Variants in ZFHX3 observed in about 807,000 individuals in gnomAD.
ZFHX3 encodes zinc finger homeobox protein 3.
In ZFHX3, 42 loss-of-function variants were observed where a neutral mutation model predicts 279.1. That is an observed-to-expected ratio of 0.15 (90% CI 0.12 to 0.19). ZFHX3 has a LOEUF of 0.19. Among genes scored for constraint, ZFHX3 ranks in the 10% least tolerant of loss-of-function variants. The pLI is 1.00. For missense variants in ZFHX3, 4,981 were observed against 4,754.0 expected (o/e 1.05, Z -1.40); for synonymous variants, 2,293 against 1,957.8 (o/e 1.17, Z -4.52).
At chr16:73,299,841 G>A (rs1433489806) in intron 4 of ZFHX3, among the ~76,000 whole-genome samples, 4 of 152,170 alleles carry the variant, frequency 2.6e-5, no homozygotes, top group African/African-American at 4.8e-5. Context: ...CACTGGCCCA[G>A]CAAAGCAGAC....
intron 1 of ZFHX3, among the ~76,000 whole-genome samples, chr16:73,755,499 C>T (rs939742734): frequency 6.6e-5 from 10 of 152,178 alleles, no homozygotes; most frequent in Non-Finnish European, 1.5e-5. Flanking sequence ...GCTACATCTT[C>T]CTTTTTAAAA....
chr16:73,837,330 T>C (rs570828736), intron 1 of ZFHX3, among the ~76,000 whole-genome samples: 1 of 152,336 alleles, frequency 6.6e-6, no homozygotes, highest in South Asian at 2.1e-4. Context: ...TTCAAAACTA[T>C]ATAGTTTCAT....
intron 1 of ZFHX3, among the ~76,000 whole-genome samples, chr16:73,001,291 T>G (rs1199374148): frequency 1.3e-5 from 2 of 152,194 alleles, no homozygotes; most frequent in South Asian, 2.1e-4. Flanking sequence ...AACAACCGTG[T>G]GTGTGAGCAC....
At chr16:73,002,223 C>T (rs1288927242) in intron 1 of ZFHX3, among the ~76,000 whole-genome samples, 1 of 152,192 alleles carries the variant, frequency 6.6e-6, no homozygotes. Context: ...GAAACTTCTA[C>T]TCAAACATGC....
intron 5 of ZFHX3, among the ~76,000 whole-genome samples, chr16:73,160,781 T>TG (rs1967214124): frequency 6.7e-6 from 1 of 150,340 alleles, no homozygotes; most frequent in African/African-American, 2.5e-5. Flanking sequence ...TCTTTTTTTT[T>TG]TTTTTTTTTT....
chr16:73,133,248 G>A (rs577552968), intron 6 of ZFHX3, among the ~76,000 whole-genome samples: 1 of 152,244 alleles, frequency 6.6e-6, no homozygotes, highest in Non-Finnish European at 1.5e-5. Flanking sequence ...GGGGCTGGGC[G>A]TGGTGGCTTA....
chr16:72,903,125 G>A (rs2039081084), intron 3 of ZFHX3, among the ~76,000 whole-genome samples: 1 of 152,114 alleles, frequency 6.6e-6, no homozygotes, highest in Non-Finnish European at 1.5e-5. Context: ...CTCAGAGGCC[G>A]CTGTGCATTT....
intron 6 of ZFHX3, among the ~76,000 whole-genome samples, chr16:73,142,724 A>C (rs879662635): frequency 2.6e-5 from 4 of 152,264 alleles, no homozygotes; most frequent in African/African-American, 4.8e-5. Flanking sequence ...ATAAAATGAT[A>C]AAGTTAACAG....
chr16:72,791,231 T>C (rs1029883920), intron 9 of ZFHX3: 1 of 152,210 alleles, frequency 6.6e-6, no homozygotes, highest in Non-Finnish European at 1.5e-5. Flanking sequence ...ACCACATTGA[T>C]AGAAAAAGCT....
At chr16:73,544,419 T>C (rs2020075565) in intron 2 of ZFHX3, among the ~76,000 whole-genome samples, 1 of 152,154 alleles carries the variant, frequency 6.6e-6, no homozygotes, top group Non-Finnish European at 1.5e-5. Flanking sequence ...GGGTCCGGAA[T>C]TCAGGAGGTC....
chr16:73,698,167 G>A (rs747009714), intron 1 of ZFHX3, among the ~76,000 whole-genome samples: 25 of 151,814 alleles, frequency 1.6e-4, no homozygotes, highest in Non-Finnish European at 2.5e-4. Context: ...CCCAATGGCC[G>A]AAACTGGAAC....
At chr16:73,498,203 G>A (rs1267253798) in intron 2 of ZFHX3, among the ~76,000 whole-genome samples, 1 of 152,198 alleles carries the variant, frequency 6.6e-6, no homozygotes, top group Non-Finnish European at 1.5e-5. Flanking sequence ...AAATTTTGAA[G>A]ACCATAGATG....
Position 72,958,477 on chromosome 16 carries a change from A to G in ZFHX3, c.1669T>C (p.Ser557Pro). Reference protein sequence around the residue: ...TASTSSNSASSFVVFDGANRR... With the variant: ...TASTSSNSASPFVVFDGANRR... ...TTCGCACCATCAAAGACAACAAAGG[A>G]AGAAGCAGAATTAGAACTAGTAGAA... The change falls in exon 2 of 10, where the codon TCC becomes CCC. Residue 557 changes from serine (S) to proline (P), a missense_variant. This residue lies in a region of ZFHX3 where 1,068 missense variants were observed against 935.2 expected (regional missense o/e 1.14). Coordinates refer to ENST00000268489, the MANE Select transcript of ZFHX3 (RefSeq NM_006885.4). 6.2e-7 allele frequency: 1 copy of G among 1,614,162 alleles called. No homozygotes were observed. The highest frequency in any genetic ancestry group is 8.5e-7 in the Non-Finnish European group (1 of 1,180,042).
intron 3 of ZFHX3, among the ~76,000 whole-genome samples, chr16:73,329,933 AG>A (rs1365682159): frequency 4.6e-5 from 7 of 152,226 alleles, no homozygotes; most frequent in African/African-American, 1.7e-4. Flanking sequence ...AAACGTCCTC[AG>A]TGGGCTCTTC....
rs1555514493 is a variant in ZFHX3, at chr16:72,785,478, T to TAACA, written c.*1682_*1685dup. ...CCTCTCTGCTTGCAGAAGAAGCACA[T>TAACA]AACAACCTGGGAATCTTTTGTTTTT... On this transcript the variant is annotated 3_prime_UTR_variant, in exon 10 of 10. Transcript: ENST00000268489. 4 of 152,652 alleles carry TAACA rather than the reference T, an allele frequency of 2.6e-5. No individual in the cohort carries two copies. Among genetic ancestry groups the TAACA allele is most frequent in the East Asian group, 1.9e-4 (1 of 5,198 alleles). The allele number at this position is 152,652 out of a possible 1,614,324, so 9.5% of individuals were successfully genotyped here. A position where few individuals can be genotyped will look rare whatever the true frequency, so the allele number is the denominator to read the frequency against.
At chr16:73,144,076 A>T (rs1187234281) in intron 5 of ZFHX3, among the ~76,000 whole-genome samples, 2 of 152,186 alleles carry the variant, frequency 1.3e-5, no homozygotes, top group African/African-American at 4.8e-5. Flanking sequence ...GAACTGGGAA[A>T]GGCATTTTTA....
intron 5 of ZFHX3, among the ~76,000 whole-genome samples, chr16:73,247,246 G>A (rs1597241097): frequency 6.6e-6 from 1 of 151,772 alleles, no homozygotes; most frequent in East Asian, 1.9e-4. Context: ...GTACCTGTAT[G>A]TGGAGTACAT....
intron 1 of ZFHX3, among the ~76,000 whole-genome samples, chr16:72,983,435 G>A (rs530399755): frequency 1.8e-4 from 27 of 152,292 alleles, no homozygotes; most frequent in African/African-American, 5.8e-4. Flanking sequence ...GGCCAGGTGC[G>A]ATGGCTCATG....
At chr16:73,675,358 T>C (rs1244847218) in intron 2 of ZFHX3, among the ~76,000 whole-genome samples, 2 of 151,932 alleles carry the variant, frequency 1.3e-5, no homozygotes, top group Admixed American at 6.6e-5. Flanking sequence ...AAGAAAAAAA[T>C]GTAAGATAAA....
Sources: allele counts gnomAD v4.1 joint callset (sites outside exome capture counted in the v4.1 genomes callset), GRCh38; gene constraint gnomAD v4.1.1; regional missense constraint gnomAD v4.1.1; transcripts MANE v1.5; gene names NCBI Gene and HGNC (gene_info 2026-07-23, HGNC 2026-07-21).